The following AUTS2 variants were observed in gnomAD, a reference collection of about 807,000 sequenced individuals.
The protein encoded by AUTS2 is activator of transcription and developmental regulator AUTS2.
A neutral mutation model predicts 112.4 loss-of-function variants in AUTS2; 17 were observed. The observed-to-expected ratio is 0.15, with a 90% confidence interval of 0.10 to 0.23. AUTS2 has a LOEUF of 0.23. Ranked by LOEUF, AUTS2 falls within the 10% of genes least tolerant of loss-of-function variation. The pLI is 1.00. For missense variants in AUTS2, 1,510 were observed against 1,701.6 expected, an observed-to-expected ratio of 0.89 and a Z score of 1.98; for synonymous variants, 751 against 702.7, an observed-to-expected ratio of 1.07 and a Z score of -1.09.
At chr7:70,169,890 C>A (rs1387155619) in intron 4 of AUTS2, among the ~76,000 whole-genome samples, 2 of 152,038 alleles carry the variant, frequency 1.3e-5, no homozygotes, top group Non-Finnish European at 2.9e-5. Flanking sequence ...GATAGTGATG[C>A]CACATATGTG....
chr7:70,706,375 C>T (rs1809739160), intron 6 of AUTS2, among the ~76,000 whole-genome samples: 1 of 152,132 alleles, frequency 6.6e-6, no homozygotes, highest in African/African-American at 2.4e-5. Flanking sequence ...AGTCACATGA[C>T]CAAGCCTGCC....
chr7:70,294,344 A>G (rs1788838324), intron 4 of AUTS2: 1 of 152,224 alleles, frequency 6.6e-6, no homozygotes, highest in South Asian at 2.1e-4. Context: ...TACACATAAA[A>G]CAACATATTT....
In AUTS2 at chr7:70,792,076, A is replaced by G. The variant is rs767159290; in HGVS notation, c.*1080A>G. ...AAACAGATCCTGAAAGAAAGCTTCA[A>G]GTTTTCTCAGATGATGGATATGTTT... On this transcript the variant is annotated 3_prime_UTR_variant, in exon 19 of 19. Transcript: ENST00000342771. The G allele has an allele frequency of 2.0e-5, 3 of 152,632 alleles. No individual in the cohort carries two copies. Among genetic ancestry groups the G allele is most frequent in the Non-Finnish European group, 4.4e-5 (3 of 68,036 alleles). The allele number at this position is 152,632 out of a possible 1,614,324, so 9.5% of individuals were successfully genotyped here. A position where few individuals can be genotyped will look rare whatever the true frequency, so the allele number is the denominator to read the frequency against.
intron 5 of AUTS2, among the ~76,000 whole-genome samples, chr7:70,467,232 GA>G (rs1234175420): frequency 1.3e-5 from 2 of 152,250 alleles, no homozygotes; most frequent in Non-Finnish European, 2.9e-5. Context: ...GCTAATGGCT[GA>G]AAGCCTCAAG....
intron 5 of AUTS2, among the ~76,000 whole-genome samples, chr7:70,635,108 G>A (rs1478501304): frequency 6.6e-6 from 1 of 152,138 alleles, no homozygotes; most frequent in Non-Finnish European, 1.5e-5. Flanking sequence ...ATTCCACTCT[G>A]CGAAAAAATT....
intron 1 of AUTS2, among the ~76,000 whole-genome samples, chr7:69,835,841 G>A (rs925874470): frequency 1.3e-5 from 2 of 152,190 alleles, no homozygotes; most frequent in African/African-American, 2.4e-5. Flanking sequence ...ACACCCCAGA[G>A]GTGAAGAAGA....
chr7:70,445,847 G>A (rs1337249147), intron 5 of AUTS2, among the ~76,000 whole-genome samples: 1 of 152,186 alleles, frequency 6.6e-6, no homozygotes, highest in Non-Finnish European at 1.5e-5. Context: ...AAATATTAGT[G>A]TTATACCCAG....
chr7:69,918,794 G>C (rs531357327), intron 2 of AUTS2, among the ~76,000 whole-genome samples: 1 of 152,166 alleles, frequency 6.6e-6, no homozygotes, highest in Non-Finnish European at 1.5e-5. Context: ...AGGAAACAGC[G>C]CTTAGAGCTG....
rs73158395 is a variant in AUTS2, at chr7:70,005,570, T to C, written c.522+106072T>C. Reference sequence around the variant, plus strand: ...ATCTAGGGGGCTGTTATAACAGGCATGTGCTGTTCGAGTTCAGGGGAAAGA... The same window carrying C: ...ATCTAGGGGGCTGTTATAACAGGCACGTGCTGTTCGAGTTCAGGGGAAAGA... On this transcript the variant is annotated intron_variant, in intron 2 of 18. Coordinates refer to ENST00000342771, the MANE Select transcript of AUTS2 (RefSeq NM_015570.4). Among the ~76,000 whole-genome samples, 892 of 152,242 alleles carry C rather than the reference T, an allele frequency of 5.9e-3. 11 individuals are homozygous for C. Among genetic ancestry groups the C allele is most frequent in the Non-Finnish European group, 6.5e-3 (444 of 68,010 alleles).
chr7:70,136,605 C>T (rs1225297815), intron 4 of AUTS2, among the ~76,000 whole-genome samples: 3 of 152,090 alleles, frequency 2.0e-5, no homozygotes, highest in African/African-American at 7.2e-5. Context: ...GTGATTTGTG[C>T]TGTCATAATA....
intron 1 of AUTS2, among the ~76,000 whole-genome samples, chr7:69,622,224 C>T (rs747985879): frequency 2.0e-5 from 3 of 152,108 alleles, no homozygotes; most frequent in Non-Finnish European, 2.9e-5. Flanking sequence ...GCAGGCTTCC[C>T]GATTGTGTTC....
chr7:70,454,216 C>T (rs780726581), intron 5 of AUTS2, among the ~76,000 whole-genome samples: 7 of 152,072 alleles, frequency 4.6e-5, no homozygotes, highest in South Asian at 4.1e-4. Context: ...GGGAAGGTAA[C>T]GCTGTTTTTT....
intron 5 of AUTS2, among the ~76,000 whole-genome samples, chr7:70,652,029 G>A (rs949586566): frequency 5.9e-5 from 9 of 152,130 alleles, no homozygotes; most frequent in African/African-American, 2.2e-4. Context: ...CATTGCACAC[G>A]CCGTCACGGT....
chr7:70,110,170 A>G (rs1381892867), intron 2 of AUTS2, among the ~76,000 whole-genome samples: 5 of 152,114 alleles, frequency 3.3e-5, no homozygotes, highest in African/African-American at 4.8e-5. Context: ...ACTGCTTCTT[A>G]TTTATGTTTG....
At chr7:70,258,949 G>A in intron 4 of AUTS2, among the ~76,000 whole-genome samples, 1 of 152,162 alleles carries the variant, frequency 6.6e-6, no homozygotes, top group East Asian at 1.9e-4. Flanking sequence ...TGCAGGAGTA[G>A]CACAGAACAG....
At chr7:70,514,085 A>T (rs950359179) in intron 5 of AUTS2, among the ~76,000 whole-genome samples, 1 of 152,214 alleles carries the variant, frequency 6.6e-6, no homozygotes, top group Admixed American at 6.5e-5. Context: ...TTGGCTACAT[A>T]ATATGTTTTG....
chr7:69,908,582 C>T (rs190956119), intron 2 of AUTS2, among the ~76,000 whole-genome samples: 46 of 152,314 alleles, frequency 3.0e-4, no homozygotes, highest in Non-Finnish European at 5.7e-4. Context: ...ATGTGGCCTT[C>T]TGGAACATTA....
At chr7:70,602,857 C>T (rs1803546768) in intron 5 of AUTS2, among the ~76,000 whole-genome samples, 1 of 152,116 alleles carries the variant, frequency 6.6e-6, no homozygotes, top group Non-Finnish European at 1.5e-5. Flanking sequence ...TAGCGTATAC[C>T]CTGTCTTGGG....
chr7:69,787,880 C>A (rs1562883363), intron 1 of AUTS2, among the ~76,000 whole-genome samples: 2 of 152,124 alleles, frequency 1.3e-5, no homozygotes, highest in Admixed American at 1.3e-4. Context: ...CTAGCTGTTA[C>A]AACATTTTGG....
Sources: gnomAD v4.1 joint callset for allele counts (sites outside exome capture counted in the v4.1 genomes callset) on GRCh38, gnomAD v4.1.1 for gene constraint, MANE v1.5 for transcripts, NCBI Gene and HGNC (gene_info 2026-07-23, HGNC 2026-07-21) for gene names.